The following LPAR1 variants were observed in gnomAD, a reference collection of about 807,000 sequenced individuals.
LPAR1 encodes LPA receptor 1.
In LPAR1, 5 loss-of-function variants were observed where a neutral mutation model predicts 23.8. The ratio of observed to expected loss-of-function variants is 0.21; its 90% CI spans 0.11 to 0.44. The LOEUF is 0.44. LPAR1 is among the 20% of genes least tolerant of loss of function. LPAR1 has a pLI of 0.99. For synonymous variants in LPAR1, 160 were observed against 164.7 expected (o/e 0.97, Z 0.22); for missense variants, 311 against 482.8 (o/e 0.64, Z 3.33).
At chr9:110,896,467 T>G (rs183606875) in intron 5 of LPAR1, among the ~76,000 whole-genome samples, 53 of 152,340 alleles carry the variant, frequency 3.5e-4, no homozygotes, top group African/African-American at 1.2e-3. Flanking sequence ...TTTTATTTGC[T>G]TAGTCTGATT....
rs113293572 is a variant in LPAR1 at position 110,965,652 on chromosome 9, G to T, written c.45+6421C>A. Among the ~76,000 whole-genome samples, 342 of 152,318 alleles carry T rather than the reference G, an allele frequency of 2.2e-3. 2 individuals are homozygous for T. The highest frequency in any genetic ancestry group is 7.9e-3 in the African/African-American group (330 of 41,570). Reference sequence around the variant, plus strand: ...TGCTGAAGAGGATGTGGAGAAATGGGAACACCTTTACACTGTTGGTGGGAA... The same window carrying T: ...TGCTGAAGAGGATGTGGAGAAATGGTAACACCTTTACACTGTTGGTGGGAA... On this transcript the variant is annotated intron_variant, in intron 4 of 5. Transcript: ENST00000683809.
At chr9:111,014,917 C>T (rs563458630) in intron 2 of LPAR1, among the ~76,000 whole-genome samples, 83 of 151,906 alleles carry the variant, frequency 5.5e-4, no homozygotes, top group African/African-American at 1.8e-3. Context: ...CTCCCAGTAC[C>T]TCAGAATGTG....
intron 4 of LPAR1, among the ~76,000 whole-genome samples, chr9:110,960,237 G>C (rs886910946): frequency 1.3e-5 from 2 of 152,116 alleles, no homozygotes; most frequent in Non-Finnish European, 2.9e-5. Flanking sequence ...AAGTACATGA[G>C]GTGATGAATA....
intron 5 of LPAR1, 65 bp from the exon 6 acceptor site, chr9:110,875,787 A>C (rs549709898): frequency 7.0e-6 from 6 of 855,548 alleles, no homozygotes; most frequent in Admixed American, 3.1e-5. Context: ...ATTATAAAAC[A>C]TGCGACCATA....
At chr9:111,023,335 C>T (rs952661320) in intron 2 of LPAR1, among the ~76,000 whole-genome samples, 6 of 152,166 alleles carry the variant, frequency 3.9e-5, no homozygotes, top group South Asian at 4.1e-4. Flanking sequence ...TGCAATCCCA[C>T]GCACACACCC....
At chr9:111,003,609 T>G (rs1159724559) in intron 2 of LPAR1, among the ~76,000 whole-genome samples, 1 of 152,076 alleles carries the variant, frequency 6.6e-6, no homozygotes, top group Admixed American at 6.6e-5. Flanking sequence ...ATAAGTACAG[T>G]GAACTATTAT....
At chr9:110,905,907 G>T (rs2091077677) in intron 5 of LPAR1, among the ~76,000 whole-genome samples, 2 of 152,112 alleles carry the variant, frequency 1.3e-5, no homozygotes, top group Non-Finnish European at 2.9e-5. Flanking sequence ...CTTCATTTGT[G>T]AAAAGGATAT....
At chr9:110,915,668 T>G (rs1183313634) in intron 5 of LPAR1, among the ~76,000 whole-genome samples, 4 of 152,242 alleles carry the variant, frequency 2.6e-5, no homozygotes, top group Non-Finnish European at 5.9e-5. Flanking sequence ...CACATGTGTA[T>G]GTACACATAT....
At chr9:110,916,898 A>G (rs2134780492) in intron 5 of LPAR1, among the ~76,000 whole-genome samples, 1 of 151,520 alleles carries the variant, frequency 6.6e-6, no homozygotes, top group South Asian at 2.1e-4. Flanking sequence ...TGGATAGGCC[A>G]AAATAAAGTC....
rs116824504 is a variant in LPAR1, at chr9:110,948,552, T to C, written c.46-6384A>G. ...TAATAAAAGTACTTTTTATCTATTATAGCCCATTGTCTACCATGCTGAGAA... is the reference window on the plus strand; with the variant it reads ...TAATAAAAGTACTTTTTATCTATTACAGCCCATTGTCTACCATGCTGAGAA... On this transcript the variant is annotated intron_variant, in intron 4 of 5. Transcript: ENST00000683809. Among the ~76,000 whole-genome samples the C allele has an allele frequency of 7.0e-3, 1,071 of 152,338 alleles. 15 individuals carry two copies. Among genetic ancestry groups the C allele is most frequent in the African/African-American group, 0.024 (1,017 of 41,572 alleles).
intron 5 of LPAR1, among the ~76,000 whole-genome samples, chr9:110,910,274 A>G (rs979712061): frequency 3.3e-5 from 5 of 152,154 alleles, no homozygotes; most frequent in Admixed American, 6.6e-5. Flanking sequence ...GCCCTTAAGA[A>G]TTATACTAGA....
chr9:110,992,682 A>G (rs2096919370), intron 2 of LPAR1, among the ~76,000 whole-genome samples: 1 of 152,194 alleles, frequency 6.6e-6, no homozygotes, highest in Non-Finnish European at 1.5e-5. Flanking sequence ...GGTATGTATA[A>G]TACTATCTAT....
At chr9:110,930,855 C>T (rs565921512) in intron 5 of LPAR1, among the ~76,000 whole-genome samples, 11 of 151,754 alleles carry the variant, frequency 7.2e-5, no homozygotes, top group African/African-American at 2.4e-4. Flanking sequence ...GCAGATGTTG[C>T]GGTGAACCGA....
chr9:110,934,843 C>CAG (rs56165251), intron 5 of LPAR1, among the ~76,000 whole-genome samples: 18 of 146,734 alleles, frequency 1.2e-4, no homozygotes, highest in Non-Finnish European at 2.0e-4. Context: ...CACACACACA[C>CAG]AGAGAGTGAG....
Position 110,874,346 on chromosome 9 carries a change from T to TCTCTACAGGG in LPAR1, c.*1074_*1075insCCCTGTAGAG, listed in dbSNP as rs2078672793. On this transcript the variant is annotated 3_prime_UTR_variant, in exon 6 of 6. Coordinates refer to ENST00000683809, the MANE Select transcript of LPAR1 (RefSeq NM_001351411.2). ...AATGCCATAAGAAAATGTGGCAATT[T>TCTCTACAGGG]TGCAATGAAAAAGATCTACTTATAA... The TCTCTACAGGG allele has an allele frequency of 6.6e-6, 1 of 152,630 alleles. No homozygotes were observed. Among genetic ancestry groups the TCTCTACAGGG allele is most frequent in the Admixed American group, 6.5e-5 (1 of 15,268 alleles). 9.5% of individuals were successfully genotyped at this position (152,630 alleles called of 1,614,324 possible).
intron 2 of LPAR1, among the ~76,000 whole-genome samples, chr9:111,033,606 C>T (rs967130057): frequency 3.3e-5 from 5 of 152,274 alleles, no homozygotes; most frequent in Non-Finnish European, 5.9e-5. Flanking sequence ...GGCTGGAGTG[C>T]AATGGCACAA....
intron 5 of LPAR1, among the ~76,000 whole-genome samples, chr9:110,936,375 T>C (rs189684009): frequency 5.9e-5 from 9 of 152,344 alleles, no homozygotes; most frequent in Non-Finnish European, 1.2e-4. Flanking sequence ...GCCACTTTCG[T>C]CACCACTGGT....
chr9:110,912,286 T>C (rs1427412767), intron 5 of LPAR1, among the ~76,000 whole-genome samples: 1 of 152,204 alleles, frequency 6.6e-6, no homozygotes, highest in Non-Finnish European at 1.5e-5. Flanking sequence ...CATTACAGAA[T>C]TGTGCAACTT....
chr9:111,031,477 G>A (rs780346721), intron 2 of LPAR1, among the ~76,000 whole-genome samples: 12 of 151,742 alleles, frequency 7.9e-5, no homozygotes, highest in Non-Finnish European at 1.6e-4. Flanking sequence ...CAGGCATAGC[G>A]GCACACACCT....
Sources: allele counts gnomAD v4.1 joint callset (sites outside exome capture counted in the v4.1 genomes callset), GRCh38; gene constraint gnomAD v4.1.1; transcripts MANE v1.5; gene names NCBI Gene and HGNC (gene_info 2026-07-23, HGNC 2026-07-21).